ATP6V0A4: variants seen among roughly 807,000 people sequenced by gnomAD.
ATP6V0A4 encodes the protein V-type proton ATPase 116 kDa subunit a 4.
ATP6V0A4 carries 86 observed loss-of-function variants against 107.3 expected under a neutral mutation model. The observed-to-expected ratio is 0.80, with a 90% confidence interval of 0.67 to 0.96. The LOEUF is 0.96. Ranked by LOEUF, ATP6V0A4 falls within the 40% of genes least tolerant of loss-of-function variation. The pLI is 0.00. For missense variants in ATP6V0A4, 908 were observed against 1,045.6 expected (o/e 0.87, Z 1.81); for synonymous variants, 353 against 381.4 (o/e 0.93, Z 0.87).
At chr7:138,797,967 A>C in intron 1 of ATP6V0A4, 67 bp downstream of exon 1, 1 of 1,542,032 alleles carries the variant, frequency 6.5e-7, no homozygotes, top group Non-Finnish European at 8.7e-7. Flanking sequence ...GTTTCCCCCA[A>C]ACACCCAGCA....
Position 138,733,142 on chromosome 7 carries a change from G to A in ATP6V0A4, c.1692-49C>T, listed in dbSNP as rs3807152. 0.011 allele frequency: 18,207 copies of A among 1,610,902 alleles called. 890 individuals carry two copies. The East Asian group carries it at 0.13, about 11-fold the overall frequency. ...ACACAAGATAGAACATCAAGGGAAC[G>A]TTAGGACTTAATTATTCTCTCAAAG... On this transcript the variant is annotated intron_variant, in intron 16 of 21. Transcript: ENST00000310018.
chr7:138,783,148 C>G (rs1807998815), intron 2 of ATP6V0A4, among the ~76,000 whole-genome samples: 1 of 152,092 alleles, frequency 6.6e-6, no homozygotes, highest in Admixed American at 6.6e-5. Context: ...AAGGAGGGAG[C>G]AGGGCAGCAG....
chr7:138,794,180 C>A (rs1450113926), intron 1 of ATP6V0A4, among the ~76,000 whole-genome samples: 1 of 152,132 alleles, frequency 6.6e-6, no homozygotes, highest in Non-Finnish European at 1.5e-5. Context: ...AAAAACAGAT[C>A]CTGACAGAGC....
Position 138,707,199 on chromosome 7 carries a change from T to C in ATP6V0A4, c.2430-482A>G, listed in dbSNP as rs11766384. On this transcript the variant is annotated intron_variant, in intron 21 of 21. Coordinates refer to ENST00000310018, the MANE Select transcript of ATP6V0A4 (RefSeq NM_020632.3). Reference sequence around the variant, plus strand: ...ATTATATAATATATTATATATATTATATAATATATTATATTATATAGAATA... The same window carrying C: ...ATTATATAATATATTATATATATTACATAATATATTATATTATATAGAATA... 1.4e-3 allele frequency among the ~76,000 whole-genome samples: 118 copies of C among 84,840 alleles called. 6 individuals carry two copies. The highest frequency in any genetic ancestry group is 2.3e-3 in the Non-Finnish European group (110 of 47,936). 55.7% of individuals were successfully genotyped at this position (84,840 alleles called of 152,430 possible).
rs766656498 is a variant in ATP6V0A4, at chr7:138,762,915, G to A, written c.402C>T (p.Thr134=). 6.2e-7 allele frequency: 1 copy of A among 1,614,066 alleles called. No homozygotes were observed. The highest frequency in any genetic ancestry group is 1.7e-5 in the Admixed American group (1 of 59,998). Residue 134 remains threonine, a synonymous_variant, in exon 6 of 22, where the codon ACC becomes ACT. Coordinates refer to ENST00000310018, the MANE Select transcript of ATP6V0A4 (RefSeq NM_020632.3). Reference sequence around the variant, plus strand: ...ACGTGACCACCTCAAAGAAGTCTTGGGTTTTCTTCAGGAGGTATTTCAGTT... The same window carrying A: ...ACGTGACCACCTCAAAGAAGTCTTGAGTTTTCTTCAGGAGGTATTTCAGTT... ...LTELKYLLKK[T]QDFFETETNL... is the part of the protein sequence containing the mutation.
At chr7:138,743,001 G>A (rs1805710985) in intron 14 of ATP6V0A4, among the ~76,000 whole-genome samples, 1 of 151,764 alleles carries the variant, frequency 6.6e-6, no homozygotes, top group Non-Finnish European at 1.5e-5. Flanking sequence ...ATTTAAGGTG[G>A]GGAATCCCAT....
intron 13 of ATP6V0A4, 200 bp from the exon 14 acceptor site, chr7:138,745,480 C>T (rs1487554694): frequency 1.1e-5 from 3 of 268,086 alleles, no homozygotes; most frequent in African/African-American, 6.9e-5. Context: ...ACCAAAAAGT[C>T]CTAGGCTGGT....
chr7:138,735,536 A>T (rs1045408109), intron 15 of ATP6V0A4, among the ~76,000 whole-genome samples: 1 of 152,158 alleles, frequency 6.6e-6, no homozygotes, highest in Non-Finnish European at 1.5e-5. Context: ...ATTTGCACTG[A>T]TCCTTCCTTT....
chr7:138,754,573 G>A (rs1461407092), intron 10 of ATP6V0A4, among the ~76,000 whole-genome samples: 1 of 152,058 alleles, frequency 6.6e-6, no homozygotes, highest in Non-Finnish European at 1.5e-5. Flanking sequence ...CTAAAACTGA[G>A]TTGACTTCTA....
rs536334858 is a variant in ATP6V0A4, at chr7:138,738,957, T to C, written c.1572+583A>G. On this transcript the variant is annotated intron_variant, in intron 15 of 21. Coordinates refer to ENST00000310018, the MANE Select transcript of ATP6V0A4 (RefSeq NM_020632.3). Reference sequence around the variant, plus strand: ...GCCAATAGAAATGAACAGCTTTACATGAACGGGCATGTGTTGTATCTCCTC... The same window carrying C: ...GCCAATAGAAATGAACAGCTTTACACGAACGGGCATGTGTTGTATCTCCTC... 1.3e-4 allele frequency among the ~76,000 whole-genome samples: 20 copies of C among 152,322 alleles called. 1 individual carries two copies. In the South Asian group the frequency reaches 4.1e-3, roughly 32 times the overall value.
Position 138,723,055 on chromosome 7 carries a change from C to CAAA in ATP6V0A4, c.2011-1033_2011-1031dup, listed in dbSNP as rs34685977. ...CCTGGGGGACAGAGTGAGACTGTCT[C>CAAA]AAAAAAAAAAAAAAAAAGAAAAATA... On this transcript the variant is annotated intron_variant, in intron 18 of 21. Transcript: ENST00000310018. 4.6e-3 allele frequency among the ~76,000 whole-genome samples: 566 copies of CAAA among 122,206 alleles called. 7 individuals carry two copies. The highest frequency in any genetic ancestry group is 0.014 in the South Asian group (53 of 3,684). The allele number at this position is 122,206 out of a possible 152,430, so 80.2% of individuals were successfully genotyped here.
chr7:138,717,310 G>C (rs990558267), intron 19 of ATP6V0A4, among the ~76,000 whole-genome samples: 2 of 152,222 alleles, frequency 1.3e-5, no homozygotes, highest in Non-Finnish European at 2.9e-5. Flanking sequence ...CACCTCGGGA[G>C]ACCAAGGCAG....
chr7:138,753,045 T>A, intron 10 of ATP6V0A4: 1 of 426,592 alleles, frequency 2.3e-6, no homozygotes, highest in Non-Finnish European at 3.1e-6. Flanking sequence ...TGTATCTTCC[T>A]TTTCTTCTAA....
chr7:138,795,049 C>T (rs1808593058), intron 1 of ATP6V0A4, among the ~76,000 whole-genome samples: 1 of 152,088 alleles, frequency 6.6e-6, no homozygotes, highest in Non-Finnish European at 1.5e-5. Context: ...AGGCATGCAC[C>T]ACCACGCCTG....
chr7:138,745,959 A>ATAT (rs1334260476), intron 13 of ATP6V0A4, among the ~76,000 whole-genome samples: 1 of 60,418 alleles, frequency 1.7e-5, no homozygotes, highest in Admixed American at 2.4e-4. Context: ...AAAAAAAAAA[A>ATAT]AAAATATATA....
In ATP6V0A4 at chr7:138,768,607, G is replaced by A. The variant is rs7780678; in HGVS notation, c.291+173C>T. ...ATCAGCAGGTGTGGCTCTAAAAACC[G>A]CACACTGGGATTTTCCTGGGGCTGT... On this transcript the variant is annotated intron_variant, in intron 5 of 21. Coordinates refer to ENST00000310018, the MANE Select transcript of ATP6V0A4 (RefSeq NM_020632.3). Among the ~76,000 whole-genome samples the A allele has an allele frequency of 0.23, 34,858 of 152,044 alleles. 4,191 individuals are homozygous for A. Among genetic ancestry groups the A allele is most frequent in the Middle Eastern group, 0.3 (89 of 294 alleles).
intron 19 of ATP6V0A4, 82 bp downstream of exon 19, chr7:138,721,815 C>T: frequency 6.4e-7 from 1 of 1,550,986 alleles, no homozygotes; most frequent in Non-Finnish European, 8.9e-7. Context: ...GCCCTCCAGA[C>T]CCACCCAGCT....
At chr7:138,778,697 A>G (rs1807783928) in intron 2 of ATP6V0A4, among the ~76,000 whole-genome samples, 1 of 152,194 alleles carries the variant, frequency 6.6e-6, no homozygotes, top group African/African-American at 2.4e-5. Flanking sequence ...CACAGAAAAA[A>G]CTATGGCCCT....
chr7:138,723,805 C>T (rs997905175), intron 18 of ATP6V0A4, among the ~76,000 whole-genome samples: 11 of 151,902 alleles, frequency 7.2e-5, no homozygotes, highest in African/African-American at 2.4e-4. Context: ...CGATTACAGG[C>T]GTGAGCCACC....
Sources: gnomAD v4.1 joint callset for allele counts (sites outside exome capture counted in the v4.1 genomes callset) on GRCh38, gnomAD v4.1.1 for gene constraint, MANE v1.5 for transcripts, NCBI Gene and HGNC (gene_info 2026-07-23, HGNC 2026-07-21) for gene names.